ANKS1A: variants seen among roughly 807,000 people sequenced by gnomAD.
ANKS1A encodes ankyrin repeat and sterile alpha motif domain containing 1A.
Under a neutral mutation model 120.3 loss-of-function variants are expected in ANKS1A, and 55 were observed. That is an observed-to-expected ratio of 0.46 (90% confidence interval 0.37 to 0.57). The LOEUF is 0.57. Ranked by LOEUF, ANKS1A falls within the 20% of genes least tolerant of loss-of-function variation. ANKS1A has a pLI of 0.00. For synonymous variants in ANKS1A, 590 were observed against 604.7 expected (o/e 0.98, Z 0.36); for missense variants, 1,123 against 1,480.3 (o/e 0.76, Z 3.96).
At chr6:34,996,892 T>A (rs1006921915) in intron 10 of ANKS1A, among the ~76,000 whole-genome samples, 15 of 152,254 alleles carry the variant, frequency 9.9e-5, no homozygotes, top group African/African-American at 3.6e-4. Flanking sequence ...TTTCATTGTT[T>A]TACAAATGGC....
rs1776459388 is a variant in ANKS1A, at chr6:35,060,827, AG to A, written c.2184+577del. Reference sequence around the variant, plus strand: ...AGGGCCAAAAATAAAAAGAGAAACCAGGGTGTTTCCTCTGGATCCCTGCAGA... The same window carrying A: ...AGGGCCAAAAATAAAAAGAGAAACCAGGTGTTTCCTCTGGATCCCTGCAGA... On this transcript the variant is annotated intron_variant, in intron 13 of 23. Transcript: ENST00000360359. This position sits in a 1 kb window ranked among gnomAD's most constrained non-coding sequence, Gnocchi z 4.5. Among the ~76,000 whole-genome samples the A allele has an allele frequency of 3.9e-5, 6 of 152,342 alleles. No homozygotes were observed. Among genetic ancestry groups the A allele is most frequent in the Admixed American group, 3.3e-4 (5 of 15,310 alleles).
At chr6:35,070,344 G>A (rs186967896) in intron 13 of ANKS1A, among the ~76,000 whole-genome samples, 6 of 151,928 alleles carry the variant, frequency 3.9e-5, no homozygotes, top group African/African-American at 1.2e-4. Flanking sequence ...GTCTTTTTCC[G>A]ATCCTGAAGA....
intron 16 of ANKS1A, among the ~76,000 whole-genome samples, chr6:35,080,523 CAG>C (rs1777615866): frequency 6.6e-6 from 1 of 152,238 alleles, no homozygotes. Context: ...ATTGAACCCT[CAG>C]GGGCTTCGTG....
At chr6:34,893,684 A>G (rs760834599) in intron 1 of ANKS1A, among the ~76,000 whole-genome samples, 32 of 152,360 alleles carry the variant, frequency 2.1e-4, no homozygotes, top group South Asian at 6.2e-4. Flanking sequence ...AGTTTATAGT[A>G]GTATGATACG....
At position 35,015,191 on chromosome 6, in the gene ANKS1A, C is replaced by G. The variant is rs552006891; in HGVS notation, c.1424-2282C>G. On this transcript the variant is annotated intron_variant, in intron 10 of 23. Transcript: ENST00000360359. ...CCCAAAGTGGTCAAGTTTGAAAGTC[C>G]CAAAGTGGTCAAGTGTAGAGGAGGG... Among the ~76,000 whole-genome samples the G allele has an allele frequency of 9.9e-5, 15 of 152,190 alleles. No homozygotes were observed. The South Asian group carries it at 2.9e-3, about 29-fold the overall frequency.
At chr6:34,977,454 A>G (rs778467284) in intron 3 of ANKS1A, among the ~76,000 whole-genome samples, 7 of 151,204 alleles carry the variant, frequency 4.6e-5, no homozygotes, top group Non-Finnish European at 7.4e-5. Context: ...AGAACCACCA[A>G]TTTAGGCCAA....
At chr6:34,953,067 ATAGT>A (rs1212608251) in intron 1 of ANKS1A, among the ~76,000 whole-genome samples, 1 of 152,152 alleles carries the variant, frequency 6.6e-6, no homozygotes, top group Non-Finnish European at 1.5e-5. Flanking sequence ...CACATCTTAA[ATAGT>A]TAGGTCTCCT....
chr6:35,024,321 T>G (rs555717959), intron 11 of ANKS1A, among the ~76,000 whole-genome samples: 2 of 152,374 alleles, frequency 1.3e-5, no homozygotes, highest in Non-Finnish European at 1.5e-5. Flanking sequence ...TATTGTGGTT[T>G]GAATGGATAA....
At position 35,058,195 on chromosome 6, in the gene ANKS1A, C is replaced by G. The variant is rs940085875; in HGVS notation, c.2078-1952C>G. 6.5e-6 allele frequency: 1 copy of G among 152,756 alleles called. No individual in the cohort carries two copies. Among genetic ancestry groups the G allele is most frequent in the African/African-American group, 2.4e-5 (1 of 41,430 alleles). 9.5% of individuals were successfully genotyped at this position (152,756 alleles called of 1,614,324 possible). A position where few individuals can be genotyped will look rare whatever the true frequency, so the allele number is the denominator to read the frequency against. On this transcript the variant is annotated intron_variant, in intron 12 of 23. Coordinates refer to ENST00000360359, the MANE Select transcript of ANKS1A (RefSeq NM_015245.3). The surrounding 1 kb of genome is among the most constrained non-coding windows in gnomAD (Gnocchi z 5.1). ...GGAGGAAGGGGAGGGCCAGACATTACGAGAGTGAGCAAGGACTGTGGAGCC... is the reference window on the plus strand; with the variant it reads ...GGAGGAAGGGGAGGGCCAGACATTAGGAGAGTGAGCAAGGACTGTGGAGCC...
intron 10 of ANKS1A, among the ~76,000 whole-genome samples, chr6:35,008,398 G>A (rs907505590): frequency 6.6e-6 from 1 of 152,128 alleles, no homozygotes; most frequent in African/African-American, 2.4e-5. Flanking sequence ...GTTTTTTAGA[G>A]ATGGGTTCTC....
intron 3 of ANKS1A, 30 bp downstream of exon 3, chr6:34,970,196 C>A: frequency 6.3e-7 from 1 of 1,599,332 alleles, no homozygotes. Flanking sequence ...TTCCTTCCTC[C>A]ATTCAGCTAT....
intron 12 of ANKS1A, among the ~76,000 whole-genome samples, chr6:35,054,623 G>A (rs1721790438): frequency 6.6e-6 from 1 of 152,184 alleles, no homozygotes; most frequent in South Asian, 2.1e-4. Flanking sequence ...GGTTGACTGT[G>A]CTGTTTCCTC....
downstream of ANKS1A, among the ~76,000 whole-genome samples, chr6:35,095,141 C>CA (rs34813964): frequency 0.33 from 26,959 of 81,188 alleles, 5,304 homozygotes; most frequent in South Asian, 0.49. Flanking sequence ...ACCCCCATCT[C>CA]AAAAAAAAAA....
chr6:34,944,194 C>T (rs1349409886), intron 1 of ANKS1A, among the ~76,000 whole-genome samples: 2 of 151,952 alleles, frequency 1.3e-5, no homozygotes, highest in African/African-American at 2.4e-5. Context: ...AGGAGAATGG[C>T]GTAAACCTGG....
intron 10 of ANKS1A, among the ~76,000 whole-genome samples, chr6:35,017,108 G>A (rs2127557607): frequency 6.6e-6 from 1 of 152,156 alleles, no homozygotes; most frequent in Admixed American, 6.5e-5. Context: ...CACTCACTCT[G>A]TCCTGACTTG....
intron 13 of ANKS1A, among the ~76,000 whole-genome samples, chr6:35,063,389 A>G (rs781367431): frequency 3.3e-5 from 5 of 152,278 alleles, no homozygotes; most frequent in African/African-American, 4.8e-5. Context: ...GTGCTAGCGC[A>G]GGTCTGATGC....
At chr6:35,046,259 A>G (rs1287347063) in intron 11 of ANKS1A, among the ~76,000 whole-genome samples, 1 of 152,174 alleles carries the variant, frequency 6.6e-6, no homozygotes, top group Non-Finnish European at 1.5e-5. Context: ...AAGCCACACC[A>G]CAACACAGAA....
chr6:35,092,088 T>C (rs1778327056), downstream of ANKS1A, among the ~76,000 whole-genome samples: 1 of 152,166 alleles, frequency 6.6e-6, no homozygotes, highest in African/African-American at 2.4e-5. Flanking sequence ...ACCATCTCAT[T>C]AGCCCCACTC....
chr6:35,074,695 C>T (rs1165512480), intron 13 of ANKS1A, among the ~76,000 whole-genome samples: 1 of 152,210 alleles, frequency 6.6e-6, no homozygotes. Context: ...ACTTGGCTGG[C>T]CTCAGACCTG....
Sources: allele counts gnomAD v4.1 joint callset (sites outside exome capture counted in the v4.1 genomes callset), GRCh38; gene constraint gnomAD v4.1.1; non-coding constraint Gnocchi (gnomAD v3.1); transcripts MANE v1.5; gene names NCBI Gene and HGNC (gene_info 2026-07-23, HGNC 2026-07-21).